COL11A1: variants seen among roughly 807,000 people sequenced by gnomAD.
COL11A1 encodes collagen alpha-1(XI) chain.
COL11A1 carries 74 observed loss-of-function variants against 265.2 expected under a neutral mutation model. The observed-to-expected ratio is 0.28, with a 90% CI of 0.23 to 0.34. The LOEUF is 0.34. COL11A1 is among the 10% of genes least tolerant of loss of function. The probability of loss-of-function intolerance (pLI) is 1.00; values close to 1 mark genes in which losing one functional copy is unlikely to be tolerated. For missense variants in COL11A1, 2,165 were observed against 2,263.6 expected, an observed-to-expected ratio of 0.96 and a Z score of 0.88; for synonymous variants, 816 against 727.6, an observed-to-expected ratio of 1.12 and a Z score of -1.96.
chr1:102,996,948 T>C (rs1664687569), intron 26 of COL11A1, 132 bp downstream of exon 26: 4 of 746,722 alleles, frequency 5.4e-6, no homozygotes. Context: ...AAATTAAAAG[T>C]AGTCTAAGAT....
intron 64 of COL11A1, 86 bp from the exon 65 acceptor site, chr1:102,881,851 G>A: frequency 2.1e-6 from 2 of 960,786 alleles, no homozygotes; most frequent in Non-Finnish European, 1.6e-6. Context: ...TTCATTTTCA[G>A]TAAGACTAAG....
rs755412439 is a variant in COL11A1, at chr1:103,002,775, T to C, written c.2015A>G (p.Asp672Gly). The C allele has an allele frequency of 6.2e-7, 1 of 1,613,404 alleles. No homozygotes were observed. Among genetic ancestry groups the C allele is most frequent in the Non-Finnish European group, 8.5e-7 (1 of 1,179,372 alleles). ...APGQPGMAGV[D>G]GPPGPKGNMG... Reference sequence around the variant, plus strand: ...GTTCCCTTTTGGTCCTGGGGGGCCATCTACACCTGCCATACCCTGCAATGA... The same window carrying C: ...GTTCCCTTTTGGTCCTGGGGGGCCACCTACACCTGCCATACCCTGCAATGA... The change falls in exon 22 of 67, where the codon GAT (aspartate) becomes GGT (glycine). Residue 672 changes from aspartate (D) to glycine (G), a missense_variant. By Grantham distance (94) the Asp-to-Gly change is moderately conservative. Transcript: ENST00000370096.
At chr1:103,064,418 C>T (rs1034438577) in intron 4 of COL11A1, among the ~76,000 whole-genome samples, 9 of 151,944 alleles carry the variant, frequency 5.9e-5, no homozygotes, top group East Asian at 1.9e-4. Context: ...GGGCCAGGCG[C>T]GGTGGCTCAT....
intron 4 of COL11A1, among the ~76,000 whole-genome samples, chr1:103,064,902 GAAGATTAGGTAGAGAAAGA>G (rs2102222399): frequency 6.6e-6 from 1 of 151,584 alleles, no homozygotes; most frequent in African/African-American, 2.4e-5. Flanking sequence ...GTAGAGAAAG[GAAGATTAGGTAGAGAAAGA>G]AAGATTTTTA....
At chr1:102,993,246 A>G (rs1664313070) in intron 28 of COL11A1, among the ~76,000 whole-genome samples, 2 of 152,154 alleles carry the variant, frequency 1.3e-5, no homozygotes, top group East Asian at 1.9e-4. Flanking sequence ...TACAAATTAC[A>G]TGTTAAACCC....
Position 103,108,099 on chromosome 1 carries a change from A to G in COL11A1, c.80T>C (p.Leu27Pro). Residue 27 changes from leucine to proline, a missense_variant, in exon 1 of 67, where the codon CTC (leucine) becomes CCC (proline). Transcript: ENST00000370096. ...TCCTCTGACCTCTCTAGCTTGGAAG[A>G]GGAAGGTCAATGCGAGGGTTGTTAC... ...FTVTTLALTF[L>P]FQAREVRGAA... The G allele has an allele frequency of 6.2e-7, 1 of 1,613,726 alleles. No homozygotes were observed. Among genetic ancestry groups the G allele is most frequent in the Non-Finnish European group, 8.5e-7 (1 of 1,179,966 alleles).
At chr1:102,909,285 C>A (rs954196371) in intron 54 of COL11A1, among the ~76,000 whole-genome samples, 2 of 152,126 alleles carry the variant, frequency 1.3e-5, no homozygotes, top group Admixed American at 6.6e-5. Context: ...CTGCACACAC[C>A]CCCTCTGCTT....
At chr1:103,011,745 C>A (rs946285216) in intron 14 of COL11A1, among the ~76,000 whole-genome samples, 3 of 151,924 alleles carry the variant, frequency 2.0e-5, no homozygotes, top group Non-Finnish European at 4.4e-5. Flanking sequence ...AATTATTTAT[C>A]CATCTATTCT....
intron 52 of COL11A1, 83 bp downstream of exon 52, chr1:102,914,269 T>A: frequency 9.3e-7 from 1 of 1,079,066 alleles, no homozygotes; most frequent in East Asian, 2.5e-5. Flanking sequence ...CTTAGGTTAT[T>A]AGATTTTTTT....
chr1:102,926,743 C>T (rs1262579253), intron 46 of COL11A1, among the ~76,000 whole-genome samples: 1 of 151,950 alleles, frequency 6.6e-6, no homozygotes, highest in Non-Finnish European at 1.5e-5. Context: ...AGAACTGTTT[C>T]TAAATTACAG....
intron 34 of COL11A1, 29 bp downstream of exon 34, chr1:102,978,831 C>G: frequency 6.2e-7 from 1 of 1,614,008 alleles, no homozygotes; most frequent in Non-Finnish European, 8.5e-7. Flanking sequence ...TCTACAGTAA[C>G]ATCCAAACAG....
intron 12 of COL11A1, 39 bp downstream of exon 12, chr1:103,015,629 A>C (rs969609423): frequency 5.8e-5 from 78 of 1,342,302 alleles, no homozygotes; most frequent in Middle Eastern, 1.8e-4. Context: ...AAAGATGACA[A>C]GATATCAAGT....
intron 1 of COL11A1, among the ~76,000 whole-genome samples, chr1:103,095,626 C>CT (rs1351568799): frequency 6.6e-6 from 1 of 151,896 alleles, no homozygotes; most frequent in African/African-American, 2.4e-5. Context: ...ACAAAGGGAT[C>CT]TTTTTTCAAA....
chr1:103,013,507 A>G (rs569588935), intron 13 of COL11A1, among the ~76,000 whole-genome samples: 2 of 152,042 alleles, frequency 1.3e-5, no homozygotes, highest in Admixed American at 6.6e-5. Flanking sequence ...ATTTTAAATA[A>G]TTTTAGATTT....
At chr1:103,006,204 A>AATAAATAAATAAATAC (rs1221610599) in intron 16 of COL11A1, 58 bp downstream of exon 16, 4 of 1,383,332 alleles carry the variant, frequency 2.9e-6, no homozygotes. Context: ...TAAATAAATA[A>AATAAATAAATAAATAC]ATAAAACTAA....
rs532060501 is a variant in COL11A1 at position 103,022,954 on chromosome 1, C to T, written c.1033G>A (p.Gly345Arg). ...TTCCTCTGGGAATCATAATCCTCTC[C>T]CGTTAGATATTCTTCAGTAAATATT... ...EEIFTEEYLT[G>R]EDYDSQRKNS... Residue 345 changes from glycine (G) to arginine (R), a missense_variant, in exon 8 of 67, where the codon GGA becomes AGA. Gly to Arg is a moderately radical substitution (Grantham distance 125, BLOSUM62 -2). Transcript: ENST00000370096. The T allele has an allele frequency of 1.2e-6, 2 of 1,613,216 alleles. No homozygotes were observed. Among genetic ancestry groups the T allele is most frequent in the African/African-American group, 1.3e-5 (1 of 74,976 alleles).
At chr1:102,998,767 T>A (rs1664860806) in intron 24 of COL11A1, among the ~76,000 whole-genome samples, 1 of 151,844 alleles carries the variant, frequency 6.6e-6, no homozygotes, top group Admixed American at 6.6e-5. Context: ...ATTCAAAAAA[T>A]TACATAGTAA....
At chr1:103,076,338 C>T (rs1025852938) in intron 3 of COL11A1, among the ~76,000 whole-genome samples, 1 of 152,098 alleles carries the variant, frequency 6.6e-6, no homozygotes, top group Non-Finnish European at 1.5e-5. Context: ...TGCTTCTACT[C>T]TTATGCATCC....
intron 5 of COL11A1, among the ~76,000 whole-genome samples, chr1:103,029,186 A>T (rs961010739): frequency 2.6e-5 from 4 of 152,080 alleles, no homozygotes; most frequent in African/African-American, 9.6e-5. Context: ...ATATCGGTTG[A>T]CTTATAAAAT....
Sources: allele counts gnomAD v4.1 joint callset (sites outside exome capture counted in the v4.1 genomes callset), GRCh38; gene constraint gnomAD v4.1.1; transcripts MANE v1.5; gene names NCBI Gene and HGNC (gene_info 2026-07-23, HGNC 2026-07-21).